The following GALNTL6 variants were observed in gnomAD, a reference collection of about 807,000 sequenced individuals.
GALNTL6 encodes the protein polypeptide N-acetylgalactosaminyltransferase like 6.
GALNTL6 carries 46 observed loss-of-function variants against 73.7 expected under a neutral mutation model. The observed-to-expected ratio is 0.62, with a 90% confidence interval of 0.49 to 0.80. The LOEUF (loss-of-function observed/expected upper bound fraction) is 0.80. Ranked by LOEUF, GALNTL6 falls within the 30% of genes least tolerant of loss-of-function variation. GALNTL6 has a pLI of 0.00. For missense variants in GALNTL6, 604 were observed against 755.0 expected (o/e 0.80, Z 2.34); for synonymous variants, 259 against 263.7 (o/e 0.98, Z 0.17).
At chr4:172,805,554 T>C (rs1579505791) in intron 5 of GALNTL6, among the ~76,000 whole-genome samples, 1 of 152,194 alleles carries the variant, frequency 6.6e-6, no homozygotes, top group East Asian at 1.9e-4. Flanking sequence ...ACTGGTTGTC[T>C]GGACCATGGA....
intron 8 of GALNTL6, among the ~76,000 whole-genome samples, chr4:172,897,982 C>A (rs1746417650): frequency 6.6e-6 from 1 of 152,112 alleles, no homozygotes; most frequent in African/African-American, 2.4e-5. Flanking sequence ...ATCTACTGTT[C>A]CACTAACAAG....
chr4:171,859,816 C>A (rs1000615777), intron 2 of GALNTL6, among the ~76,000 whole-genome samples: 1 of 152,162 alleles, frequency 6.6e-6, no homozygotes, highest in Non-Finnish European at 1.5e-5. Flanking sequence ...CAGACTGCAG[C>A]CCTGCCCTGC....
At chr4:172,359,201 A>G (rs1742278915) in intron 5 of GALNTL6, among the ~76,000 whole-genome samples, 1 of 152,232 alleles carries the variant, frequency 6.6e-6, no homozygotes, top group African/African-American at 2.4e-5. Flanking sequence ...CAATGCATCC[A>G]TAAAAAAGAA....
intron 5 of GALNTL6, among the ~76,000 whole-genome samples, chr4:172,804,354 A>G (rs1465515878): frequency 6.6e-6 from 1 of 152,218 alleles, no homozygotes; most frequent in Non-Finnish European, 1.5e-5. Context: ...CGTAATAACT[A>G]GCGTATATTC....
intron 5 of GALNTL6, among the ~76,000 whole-genome samples, chr4:172,590,081 C>CA (rs1318118201): frequency 6.6e-6 from 1 of 152,160 alleles, no homozygotes; most frequent in East Asian, 1.9e-4. Context: ...ATATTTTATT[C>CA]AAAACCTGCC....
intron 5 of GALNTL6, among the ~76,000 whole-genome samples, chr4:172,553,927 G>T (rs141754246): frequency 4.3e-4 from 65 of 152,280 alleles, no homozygotes; most frequent in African/African-American, 1.5e-3. Flanking sequence ...GCATGCACCT[G>T]TATGTAGCAG....
intron 2 of GALNTL6, among the ~76,000 whole-genome samples, chr4:172,108,666 G>A (rs10029232): frequency 0.41 from 61,642 of 151,886 alleles, 13,066 homozygotes; most frequent in African/African-American, 0.5. Flanking sequence ...CGATCAAGTT[G>A]ACACATAAAA....
intron 2 of GALNTL6, among the ~76,000 whole-genome samples, chr4:172,112,877 T>C (rs1422243002): frequency 6.6e-6 from 1 of 151,926 alleles, no homozygotes; most frequent in African/African-American, 2.4e-5. Flanking sequence ...GTGCATGAAT[T>C]GGGAAGTGGA....
At chr4:172,445,839 G>T (rs1028021477) in intron 5 of GALNTL6, among the ~76,000 whole-genome samples, 5 of 152,144 alleles carry the variant, frequency 3.3e-5, no homozygotes, top group Middle Eastern at 3.4e-3. Flanking sequence ...GTCAGAAAAG[G>T]TATAAAAATA....
At chr4:171,816,487 A>G (rs1323826869) in intron 2 of GALNTL6, 2 of 152,058 alleles carry the variant, frequency 1.3e-5, no homozygotes, top group Non-Finnish European at 2.9e-5. Flanking sequence ...TGGGTATAAA[A>G]GACATGGGGT....
intron 9 of GALNTL6, among the ~76,000 whole-genome samples, chr4:172,942,736 C>T (rs1191561016): frequency 6.6e-6 from 1 of 152,158 alleles, no homozygotes; most frequent in Non-Finnish European, 1.5e-5. Flanking sequence ...GAAGGCACAC[C>T]TCCACCACCA....
At chr4:172,996,047 TAC>T (rs1408133590) in intron 10 of GALNTL6, among the ~76,000 whole-genome samples, 5 of 152,162 alleles carry the variant, frequency 3.3e-5, no homozygotes, top group Admixed American at 6.6e-5. Flanking sequence ...TTCCTTTGGA[TAC>T]ATACCCAGTA....
chr4:173,012,465 C>T (rs1752598473), intron 11 of GALNTL6, among the ~76,000 whole-genome samples: 1 of 152,228 alleles, frequency 6.6e-6, no homozygotes. Flanking sequence ...GTGCCTCTCC[C>T]CTAACCACTG....
At chr4:172,365,372 G>GAT (rs1742519589) in intron 5 of GALNTL6, among the ~76,000 whole-genome samples, 1 of 152,042 alleles carries the variant, frequency 6.6e-6, no homozygotes, top group Admixed American at 6.5e-5. Context: ...TGTCATTTGT[G>GAT]GTTCATGGTC....
intron 5 of GALNTL6, among the ~76,000 whole-genome samples, chr4:172,679,540 G>A (rs1175516381): frequency 1.3e-5 from 2 of 152,014 alleles, no homozygotes; most frequent in African/African-American, 4.8e-5. Context: ...TTCTGAAGTT[G>A]CTTGCTTCTA....
At chr4:171,914,748 T>G (rs1205326314) in intron 2 of GALNTL6, among the ~76,000 whole-genome samples, 1 of 147,468 alleles carries the variant, frequency 6.8e-6, no homozygotes, top group Non-Finnish European at 1.5e-5. Flanking sequence ...AAAATAACAC[T>G]TAATATATTA....
intron 12 of GALNTL6, among the ~76,000 whole-genome samples, chr4:173,022,775 A>C (rs979849835): frequency 6.6e-6 from 1 of 152,242 alleles, no homozygotes; most frequent in African/African-American, 2.4e-5. Flanking sequence ...ATTCAAAAAC[A>C]TATATAAAGT....
chr4:172,075,656 G>C (rs748373458), intron 2 of GALNTL6, among the ~76,000 whole-genome samples: 3 of 151,968 alleles, frequency 2.0e-5, no homozygotes, highest in Non-Finnish European at 4.4e-5. Context: ...TCTTAAAAAA[G>C]AAAAATATTC....
At chr4:172,134,858 G>T (rs1733595463) in intron 2 of GALNTL6, among the ~76,000 whole-genome samples, 1 of 152,174 alleles carries the variant, frequency 6.6e-6, no homozygotes, top group African/African-American at 2.4e-5. Flanking sequence ...TCCCTCCTCT[G>T]AGTCTTGGTC....
Sources: gnomAD v4.1 joint callset for allele counts (sites outside exome capture counted in the v4.1 genomes callset) on GRCh38, gnomAD v4.1.1 for gene constraint, MANE v1.5 for transcripts, NCBI Gene and HGNC (gene_info 2026-07-23, HGNC 2026-07-21) for gene names.